Variants in ZNF254 observed in about 807,000 individuals in gnomAD.
ZNF254 encodes the protein CTD-2017D11.1.
Under a neutral mutation model 12.4 loss-of-function variants are expected in ZNF254, and 10 were observed. The observed-to-expected ratio is 0.80, with a 90% CI of 0.50 to 1.36. ZNF254 has a LOEUF of 1.36. ZNF254 is among the 40% of genes most tolerant of loss of function. ZNF254 has a pLI of 0.00. For synonymous variants in ZNF254, 305 were observed against 253.4 expected (o/e 1.20, Z -1.93); for missense variants, 996 against 763.9 (o/e 1.30, Z -3.58).
chr19:24,054,341 T>C (rs964844412), intron 2 of ZNF254, among the ~76,000 whole-genome samples: 12 of 152,174 alleles, frequency 7.9e-5, no homozygotes, highest in African/African-American at 2.9e-4. Flanking sequence ...AATGGTGACA[T>C]ATACTATAGT....
In ZNF254 at chr19:24,128,114, G is replaced by A; in HGVS notation, c.*134G>A. The A allele has an allele frequency of 1.1e-6, 1 of 905,260 alleles. No individual in the cohort carries two copies. Among genetic ancestry groups the A allele is most frequent in the Non-Finnish European group, 1.5e-6 (1 of 653,524 alleles). The allele number at this position is 905,260 out of a possible 1,614,324, so 56.1% of individuals were successfully genotyped here. ...CTAAAACTTTAAAGAAAATCATTCTGCTGAAAAATCCTAGAAATGTGAAGA... is the reference window on the plus strand; with the variant it reads ...CTAAAACTTTAAAGAAAATCATTCTACTGAAAAATCCTAGAAATGTGAAGA... On this transcript the variant is annotated 3_prime_UTR_variant, in exon 4 of 4. Coordinates refer to ENST00000357002, the MANE Select transcript of ZNF254 (RefSeq NM_203282.4).
chr19:24,121,461 A>T (rs1453400965), intron 3 of ZNF254, among the ~76,000 whole-genome samples: 1 of 152,182 alleles, frequency 6.6e-6, no homozygotes, highest in Non-Finnish European at 1.5e-5. Context: ...ACTTTGTACA[A>T]TTTAAGACCC....
rs149061287 is a variant in ZNF254 at position 24,054,274 on chromosome 19, C to A, written c.-94+7995C>A. Among the ~76,000 whole-genome samples, 1,009 of 152,256 alleles carry A rather than the reference C, an allele frequency of 6.6e-3. 4 individuals carry two copies. Among genetic ancestry groups the A allele is most frequent in the Middle Eastern group, 0.024 (7 of 294 alleles). On this transcript the variant is annotated intron_variant, in intron 2 of 4. Coordinates refer to the ZNF254 transcript ENST00000613065. ...TTCCCTCGGGGAAGATTGTGAGATA[C>A]CTTGGCTGAAATCCCAGGTGATGTA...
intron 2 of ZNF254, among the ~76,000 whole-genome samples, chr19:24,057,490 C>T (rs1298766923): frequency 2.6e-5 from 4 of 152,170 alleles, no homozygotes; most frequent in Non-Finnish European, 5.9e-5. Context: ...CAAAAGATTG[C>T]GACTCTCATG....
At chr19:24,123,219 A>G (rs62114848) in intron 3 of ZNF254, among the ~76,000 whole-genome samples, 25,604 of 152,154 alleles carry the variant, frequency 0.17, 2,683 homozygotes, top group Middle Eastern at 0.26. Flanking sequence ...TAAATTTTTC[A>G]GTTTTTCTGT....
At chr19:24,106,689 A>C (rs1973363451) in intron 3 of ZNF254, 46 bp downstream of exon 3, 1 of 1,462,712 alleles carries the variant, frequency 6.8e-7, no homozygotes, top group African/African-American at 1.4e-5. Flanking sequence ...AGAGGTCCAA[A>C]GTCAAGAAGA....
chr19:24,116,703 G>A (rs1163990271), intron 3 of ZNF254, among the ~76,000 whole-genome samples: 1 of 152,170 alleles, frequency 6.6e-6, no homozygotes, highest in South Asian at 2.1e-4. Flanking sequence ...ACTCGTCAAA[G>A]TCATTCTCCA....
intron 1 of ZNF254, among the ~76,000 whole-genome samples, chr19:24,089,443 T>C (rs1006245802): frequency 6.6e-6 from 1 of 152,172 alleles, no homozygotes; most frequent in East Asian, 1.9e-4. Flanking sequence ...AGATATCTTA[T>C]CAGAATGTTT....
chr19:24,119,474 G>A (rs1974335348), intron 3 of ZNF254, among the ~76,000 whole-genome samples: 1 of 152,018 alleles, frequency 6.6e-6, no homozygotes, highest in Non-Finnish European at 1.5e-5. Context: ...TTACATGTGT[G>A]AGCCACCATT....
chr19:24,076,706 C>T (rs1042335499), intron 2 of ZNF254, among the ~76,000 whole-genome samples: 1 of 152,124 alleles, frequency 6.6e-6, no homozygotes, highest in African/African-American at 2.4e-5. Context: ...AAAGATTTAG[C>T]AATATTTGTA....
intron 2 of ZNF254, among the ~76,000 whole-genome samples, chr19:24,052,908 G>A (rs904870665): frequency 1.1e-4 from 16 of 152,194 alleles, no homozygotes; most frequent in Non-Finnish European, 2.1e-4. Context: ...AATGTCTTGG[G>A]TTTCTTCTTT....
At chr19:24,087,131 C>A, upstream of ZNF254, 2 of 703,126 alleles carry the variant, frequency 2.8e-6, no homozygotes. Context: ...GGGCTGGGAA[C>A]TGTCCAATCA....
At chr19:24,078,858 G>T (rs1306997730) in intron 2 of ZNF254, 1 of 152,138 alleles carries the variant, frequency 6.6e-6, no homozygotes, top group Non-Finnish European at 1.5e-5. Context: ...AGCACATCTT[G>T]ATCTTTTGTC....
rs764795930 is a variant in ZNF254, at chr19:24,127,786, C to A, written c.1786C>A (p.His596Asn). Residue 596 changes from histidine to asparagine, a missense_variant, in exon 4 of 4, where the codon CAT (histidine) becomes AAT (asparagine). By Grantham distance (68) the His-to-Asn change is moderately conservative (BLOSUM62 1). Coordinates refer to ENST00000357002, the MANE Select transcript of ZNF254 (RefSeq NM_203282.4). ...AACTTTTACTAAACATAAGGTAATTCATACTGGAGTAAAACCCTACAAATG... is the reference window on the plus strand; with the variant it reads ...AACTTTTACTAAACATAAGGTAATTAATACTGGAGTAAAACCCTACAAATG... ...SSTFTKHKVI[H>N]TGVKPYKCEE... is the part of the protein sequence containing the mutation. The A allele has an allele frequency of 1.2e-6, 2 of 1,612,520 alleles. No homozygotes were observed. The highest frequency in any genetic ancestry group is 3.3e-5 in the Admixed American group (2 of 59,812).
Position 24,099,574 on chromosome 19 carries a change from T to C in ZNF254, c.31-6366T>C, listed in dbSNP as rs78474174. On this transcript the variant is annotated intron_variant, in intron 1 of 3. Coordinates refer to ENST00000357002, the MANE Select transcript of ZNF254 (RefSeq NM_203282.4). ...TTTTGTAGAAGAGTGAAAGTCTACC[T>C]TAAGCAGTTACCTGGCTTCAAGTTG... Among the ~76,000 whole-genome samples the C allele has an allele frequency of 9.3e-3, 1,412 of 152,292 alleles. 11 individuals are homozygous for C. Among genetic ancestry groups the C allele is most frequent in the Non-Finnish European group, 0.014 (963 of 68,018 alleles).
Position 24,087,228 on chromosome 19 carries a change from C to A in ZNF254, c.-80C>A. 1 of 1,596,446 alleles carries A rather than the reference C, an allele frequency of 6.3e-7. No homozygotes were observed. The highest frequency in any genetic ancestry group is 8.6e-7 in the Non-Finnish European group (1 of 1,165,564). On this transcript the variant is annotated 5_prime_UTR_variant, in exon 1 of 4. Transcript: ENST00000357002. ...GTCGCCGGAGTCCCAGGTCTGTCTT[C>A]ACTGCTCTGTGTCCTCTGCTCCTAG...
At chr19:24,055,978 C>T (rs1458063887) in intron 2 of ZNF254, among the ~76,000 whole-genome samples, 1 of 152,122 alleles carries the variant, frequency 6.6e-6, no homozygotes, top group Non-Finnish European at 1.5e-5. Flanking sequence ...TTTTCTCTGC[C>T]CAGCACCTGA....
chr19:24,033,476 C>A (rs975732465), exon 1 of ZNF254: 1 of 186,982 alleles, frequency 5.3e-6, no homozygotes, highest in South Asian at 7.5e-5. Context: ...TCGCTCCCAC[C>A]AGAGCTTGGA....
chr19:24,051,169 T>G (rs974842261), intron 2 of ZNF254, among the ~76,000 whole-genome samples: 1 of 152,114 alleles, frequency 6.6e-6, no homozygotes, highest in African/African-American at 2.4e-5. Context: ...ATAACTTTTA[T>G]TTTTTTGAGA....
Sources: allele counts gnomAD v4.1 joint callset (sites outside exome capture counted in the v4.1 genomes callset), GRCh38; gene constraint gnomAD v4.1.1; transcripts MANE v1.5; gene names NCBI Gene and HGNC (gene_info 2026-07-23, HGNC 2026-07-21).